CHLSN: variants seen among roughly 807,000 people sequenced by gnomAD.
The protein encoded by CHLSN is cholesin.
chr7:1,039,063 G>T, the CHLSN span, among the ~76,000 whole-genome samples: 1 of 81,464 alleles, frequency 1.2e-5, no homozygotes, highest in Non-Finnish European at 2.7e-5. Flanking sequence ...GAGGTGGGGG[G>T]GGTCAGCCCC....
At chr7:1,124,565 GT>G in the CHLSN span, among the ~76,000 whole-genome samples, 46 of 99,188 alleles carry the variant, frequency 4.6e-4, no homozygotes, top group African/African-American at 2.4e-3. Context: ...CAGTCGGGGG[GT>G]GGGGGGGGAG....
At chr7:1,085,051 G>C in the CHLSN span, among the ~76,000 whole-genome samples, 3 of 152,240 alleles carry the variant, frequency 2.0e-5, no homozygotes, top group Admixed American at 6.5e-5. Flanking sequence ...TGCACGCGAG[G>C]ACTGAAGGGT....
the CHLSN span, among the ~76,000 whole-genome samples, chr7:1,032,319 G>A: frequency 6.6e-6 from 1 of 152,236 alleles, no homozygotes. Flanking sequence ...GAGCAGAGAA[G>A]GTGCCGTGGA....
At chr7:1,002,497 G>C in the CHLSN span, among the ~76,000 whole-genome samples, 1 of 111,344 alleles carries the variant, frequency 9.0e-6, no homozygotes, top group Non-Finnish European at 1.9e-5. Context: ...AGTCCTGTGG[G>C]TGAGTGGAGT....
At chr7:1,035,482 G>A in the CHLSN span, among the ~76,000 whole-genome samples, 1 of 152,214 alleles carries the variant, frequency 6.6e-6, no homozygotes, top group African/African-American at 2.4e-5. Flanking sequence ...ATGTCCACAG[G>A]AAAACAATAA....
chr7:1,052,089 G>A, the CHLSN span, among the ~76,000 whole-genome samples: 1 of 152,270 alleles, frequency 6.6e-6, no homozygotes, highest in East Asian at 1.9e-4. This position sits in a 1 kb window ranked among gnomAD's most constrained non-coding sequence, Gnocchi z 4.2. Context: ...TTGGACAGCT[G>A]AGGCCCAGGC....
At chr7:994,317 C>T in the CHLSN span, among the ~76,000 whole-genome samples, 2 of 152,120 alleles carry the variant, frequency 1.3e-5, no homozygotes, top group South Asian at 4.2e-4. Flanking sequence ...CCCACCACCA[C>T]ACCCAGCTAA....
chr7:1,035,498 G>A, the CHLSN span, among the ~76,000 whole-genome samples: 4,116 of 152,276 alleles, frequency 0.027, 202 homozygotes, highest in African/African-American at 0.094. Context: ...AATAAACCTC[G>A]AACCAAAGAA....
chr7:1,022,853 A>G, the CHLSN span: 1 of 346,544 alleles, frequency 2.9e-6, no homozygotes, highest in African/African-American at 2.2e-5. Context: ...ACTGCATCAG[A>G]AGACCCACGC....
the CHLSN span, among the ~76,000 whole-genome samples, chr7:1,132,373 C>T: frequency 6.6e-6 from 1 of 152,052 alleles, no homozygotes; most frequent in East Asian, 1.9e-4. Context: ...CACAGCAAGA[C>T]CACATCTCTA....
At chr7:1,041,371 G>A in the CHLSN span, among the ~76,000 whole-genome samples, 6 of 129,660 alleles carry the variant, frequency 4.6e-5, no homozygotes, top group African/African-American at 1.5e-4. Context: ...TGGGGTCCGC[G>A]CTGCAGGGGA....
At chr7:988,645 C>T in the CHLSN span, 1 of 1,602,416 alleles carries the variant, frequency 6.2e-7, no homozygotes, top group Non-Finnish European at 8.5e-7. Flanking sequence ...GCCGCCGCGT[C>T]TGTGTTGGGG....
the CHLSN span, among the ~76,000 whole-genome samples, chr7:980,077 T>C: frequency 6.6e-6 from 1 of 152,196 alleles, no homozygotes; most frequent in Admixed American, 6.5e-5. Context: ...AGCGCAGTGT[T>C]ACGTTACGCA....
chr7:1,028,462 G>C, the CHLSN span: 1 of 985,380 alleles, frequency 1.0e-6, no homozygotes, highest in Non-Finnish European at 1.2e-6. Flanking sequence ...TCGGCGCGGG[G>C]GTGGGAGAGC....
chr7:1,109,620 C>T, the CHLSN span, among the ~76,000 whole-genome samples: 2 of 152,178 alleles, frequency 1.3e-5, no homozygotes, highest in African/African-American at 2.4e-5. Flanking sequence ...CATGCCCTCC[C>T]CACTCACCTC....
At chr7:1,046,084 A>G in the CHLSN span, among the ~76,000 whole-genome samples, 1 of 152,140 alleles carries the variant, frequency 6.6e-6, no homozygotes, top group Non-Finnish European at 1.5e-5. Context: ...TATGTCTATC[A>G]TACAATGAAT....
chr7:1,093,397 G>A, the CHLSN span: 1 of 450,192 alleles, frequency 2.2e-6, no homozygotes, highest in Non-Finnish European at 4.7e-6. Context: ...AAGAGGAGAA[G>A]GAAAACATGC....
the CHLSN span, among the ~76,000 whole-genome samples, chr7:1,075,370 G>A: frequency 2.0e-5 from 3 of 151,636 alleles, no homozygotes; most frequent in Non-Finnish European, 4.4e-5. Context: ...AATTAGCCGG[G>A]GAAAAATACA....
the CHLSN span, among the ~76,000 whole-genome samples, chr7:1,046,988 G>A: frequency 1.3e-5 from 2 of 152,252 alleles, no homozygotes; most frequent in African/African-American, 4.8e-5. Context: ...CAGGTGCCAA[G>A]CCTGCCCAGA....
Sources: gnomAD v4.1 joint callset for allele counts (sites outside exome capture counted in the v4.1 genomes callset) on GRCh38, gnomAD v4.1.1 for gene constraint, Gnocchi (gnomAD v3.1) non-coding constraint, MANE v1.5 for transcripts, NCBI Gene and HGNC (gene_info 2026-07-23, HGNC 2026-07-21) for gene names.